The following ELF1 variants were observed in gnomAD, a reference collection of about 807,000 sequenced individuals.
The protein encoded by ELF1 is E74 like ETS transcription factor 1.
In ELF1, 24 loss-of-function variants were observed where a neutral mutation model predicts 59.9. The ratio of observed to expected loss-of-function variants is 0.40; its 90% CI spans 0.29 to 0.56. The LOEUF (loss-of-function observed/expected upper bound fraction) is 0.56. Among genes scored for constraint, ELF1 ranks in the 20% least tolerant of loss-of-function variants. ELF1 has a pLI of 0.44. For missense variants in ELF1, 627 were observed against 742.2 expected, an observed-to-expected ratio of 0.84 and a Z score of 1.80; for synonymous variants, 248 against 266.2, an observed-to-expected ratio of 0.93 and a Z score of 0.67.
At chr13:41,058,916 T>C (rs1214734148) in intron 1 of ELF1, among the ~76,000 whole-genome samples, 10 of 152,168 alleles carry the variant, frequency 6.6e-5, no homozygotes, top group Non-Finnish European at 1.3e-4. Context: ...GAGGTTGCAG[T>C]GAGCTGAGAT....
intron 1 of ELF1, among the ~76,000 whole-genome samples, chr13:40,986,467 T>C (rs1184442003): frequency 6.6e-6 from 1 of 152,242 alleles, no homozygotes; most frequent in Non-Finnish European, 1.5e-5. Context: ...AGGTGCATGC[T>C]AGGTAACTAA....
intron 2 of ELF1, among the ~76,000 whole-genome samples, 164 bp from the exon 3 acceptor site, chr13:40,959,180 A>C (rs1344458961): frequency 1.3e-5 from 2 of 152,188 alleles, no homozygotes; most frequent in African/African-American, 4.8e-5. Flanking sequence ...TGTATCTATT[A>C]CAACCAAATA....
intron 2 of ELF1, among the ~76,000 whole-genome samples, chr13:40,964,772 C>T (rs1263507568): frequency 2.0e-5 from 3 of 152,104 alleles, no homozygotes; most frequent in African/African-American, 4.8e-5. Context: ...TGAGCTCAAG[C>T]GATCCACCCA....
At chr13:41,043,992 TC>T in intron 1 of ELF1, among the ~76,000 whole-genome samples, 1 of 152,284 alleles carries the variant, frequency 6.6e-6, no homozygotes, top group East Asian at 1.9e-4. Flanking sequence ...GGTTTGTAGT[TC>T]TCCTTGAAGA....
At chr13:40,960,427 T>C (rs571702584) in intron 2 of ELF1, among the ~76,000 whole-genome samples, 14 of 152,314 alleles carry the variant, frequency 9.2e-5, no homozygotes, top group South Asian at 6.2e-4. Flanking sequence ...ACAGGTCATC[T>C]GTTTTGTAGA....
chr13:40,938,517 C>T (rs1237939455), intron 8 of ELF1, among the ~76,000 whole-genome samples: 1 of 152,176 alleles, frequency 6.6e-6, no homozygotes. Flanking sequence ...TGCAGCTAAA[C>T]AGCTAGCATT....
At chr13:41,026,141 G>GTCAGAGCAC (rs1286482816) in intron 1 of ELF1, among the ~76,000 whole-genome samples, 2 of 152,144 alleles carry the variant, frequency 1.3e-5, no homozygotes, top group Non-Finnish European at 2.9e-5. Flanking sequence ...TAGGCTTAAT[G>GTCAGAGCAC]ATAACACATA....
chr13:41,018,332 G>A (rs939797311), intron 1 of ELF1, among the ~76,000 whole-genome samples: 1 of 152,116 alleles, frequency 6.6e-6, no homozygotes, highest in African/African-American at 2.4e-5. Context: ...GGAAAAGACT[G>A]AGCAATCTTT....
chr13:40,966,562 C>A (rs1646170374), intron 2 of ELF1, among the ~76,000 whole-genome samples: 1 of 152,170 alleles, frequency 6.6e-6, no homozygotes, highest in Non-Finnish European at 1.5e-5. Flanking sequence ...TTATGTGACT[C>A]CCCTAACTAG....
chr13:40,964,902 T>A (rs1566174140), intron 2 of ELF1, among the ~76,000 whole-genome samples: 1 of 152,088 alleles, frequency 6.6e-6, no homozygotes, highest in Non-Finnish European at 1.5e-5. Flanking sequence ...TAGTGTAACT[T>A]CTTTACTAAT....
chr13:40,936,740 G>GCT, intron 8 of ELF1, among the ~76,000 whole-genome samples: 1 of 118,886 alleles, frequency 8.4e-6, no homozygotes, highest in African/African-American at 3.1e-5. Flanking sequence ...CAGCCTGGTT[G>GCT]ACAGAGCAAG....
intron 1 of ELF1, among the ~76,000 whole-genome samples, chr13:41,041,113 CACAA>C (rs1876587550): frequency 1.3e-5 from 2 of 151,828 alleles, no homozygotes; most frequent in Admixed American, 1.3e-4. Context: ...AAATTATAGG[CACAA>C]ACAAAGGCAG....
intron 1 of ELF1, among the ~76,000 whole-genome samples, chr13:41,057,420 G>C (rs182774068): frequency 2.0e-5 from 3 of 151,594 alleles, no homozygotes; most frequent in Admixed American, 1.3e-4. Flanking sequence ...CCGAGATGGA[G>C]TCTCTCTCTG....
At chr13:40,949,477 C>T (rs1870711915) in intron 5 of ELF1, among the ~76,000 whole-genome samples, 1 of 151,930 alleles carries the variant, frequency 6.6e-6, no homozygotes, top group South Asian at 2.1e-4. Flanking sequence ...CCACCTTGGC[C>T]TCCCAAGTAT....
chr13:41,007,064 T>C (rs1874802380), intron 1 of ELF1, among the ~76,000 whole-genome samples: 1 of 152,046 alleles, frequency 6.6e-6, no homozygotes, highest in Non-Finnish European at 1.5e-5. Flanking sequence ...TCAAGACAAG[T>C]CATGATTATT....
intron 1 of ELF1, among the ~76,000 whole-genome samples, chr13:41,047,670 G>C (rs1251591031): frequency 6.6e-6 from 1 of 152,232 alleles, no homozygotes; most frequent in Non-Finnish European, 1.5e-5. Context: ...CTGGCCGTGT[G>C]AGGTGTCAGT....
At chr13:40,990,827 G>A (rs1330478370) in intron 1 of ELF1, among the ~76,000 whole-genome samples, 7 of 138,974 alleles carry the variant, frequency 5.0e-5, no homozygotes, top group African/African-American at 8.2e-5. Flanking sequence ...ACTCCAGCCT[G>A]GTGACAGAGC....
At chr13:40,974,914 G>A (rs1318825268) in intron 2 of ELF1, among the ~76,000 whole-genome samples, 1 of 152,158 alleles carries the variant, frequency 6.6e-6, no homozygotes, top group African/African-American at 2.4e-5. Flanking sequence ...TCCCCCAGAA[G>A]GCAATCAGGC....
chr13:41,011,511 A>G (rs908127643), intron 1 of ELF1, among the ~76,000 whole-genome samples: 1 of 152,024 alleles, frequency 6.6e-6, no homozygotes, highest in African/African-American at 2.4e-5. Flanking sequence ...TGGCACGAAC[A>G]TGCCTCAGTG....
Sources: gnomAD v4.1 joint callset for allele counts (sites outside exome capture counted in the v4.1 genomes callset) on GRCh38, gnomAD v4.1.1 for gene constraint, MANE v1.5 for transcripts, NCBI Gene and HGNC (gene_info 2026-07-23, HGNC 2026-07-21) for gene names.